The following RAP1A variants were observed in gnomAD, a reference collection of about 807,000 sequenced individuals.
RAP1A encodes RAP1A, member of RAS oncogene family, also known as ras-related protein Rap-1A.
A neutral mutation model predicts 26.4 loss-of-function variants in RAP1A; 6 were observed. That is an observed-to-expected ratio of 0.23 (90% CI 0.12 to 0.45). The LOEUF is 0.45. Ranked by LOEUF, RAP1A falls within the 20% of genes least tolerant of loss-of-function variation. The pLI is 0.99. For missense variants in RAP1A, 121 were observed against 217.2 expected (o/e 0.56, Z 2.78); for synonymous variants, 73 against 79.4 (o/e 0.92, Z 0.43).
chr1:111,586,185 A>G (rs778911366), intron 1 of RAP1A, among the ~76,000 whole-genome samples: 2 of 152,192 alleles, frequency 1.3e-5, no homozygotes, highest in Admixed American at 6.5e-5. Flanking sequence ...CAAATACGGG[A>G]ATCATAGTGT....
At chr1:111,548,986 T>G (rs554006978) in intron 1 of RAP1A, among the ~76,000 whole-genome samples, 82 of 152,358 alleles carry the variant, frequency 5.4e-4, no homozygotes, top group African/African-American at 1.9e-3. Flanking sequence ...TGCAAAAAAT[T>G]GAAATCCATG....
At chr1:111,634,115 A>G (rs2101108283) in intron 1 of RAP1A, among the ~76,000 whole-genome samples, 1 of 152,328 alleles carries the variant, frequency 6.6e-6, no homozygotes, top group Admixed American at 6.5e-5. Context: ...TGGTATACCA[A>G]AGATGGACAT....
At position 111,558,221 on chromosome 1, in the gene RAP1A, A is replaced by G. The variant is rs184417749; in HGVS notation, c.-28+15712A>G. Among the ~76,000 whole-genome samples the G allele has an allele frequency of 2.0e-3, 300 of 152,334 alleles. 2 individuals are homozygous for G. The highest frequency in any genetic ancestry group is 7.1e-3 in the African/African-American group (294 of 41,574). ...GAGACAGGGTCTTACTCCACTGCCC[A>G]GGCTGGAGTGCAGTGGCGCAATCTT... On this transcript the variant is annotated intron_variant, in intron 1 of 7. Coordinates refer to the RAP1A transcript ENST00000356415.
chr1:111,581,811 G>C (rs2101061115), intron 1 of RAP1A, among the ~76,000 whole-genome samples: 1 of 152,288 alleles, frequency 6.6e-6, no homozygotes, highest in Non-Finnish European at 1.5e-5. Flanking sequence ...TGGAAGATGG[G>C]AATAGAGAAA....
chr1:111,624,823 A>G (rs1659343512), intron 1 of RAP1A, among the ~76,000 whole-genome samples: 2 of 152,348 alleles, frequency 1.3e-5, no homozygotes, highest in South Asian at 4.1e-4. Context: ...TGGAAAATTA[A>G]ATGTTTTATG....
chr1:111,552,525 T>G (rs1657310618), intron 1 of RAP1A, among the ~76,000 whole-genome samples: 2 of 152,228 alleles, frequency 1.3e-5, no homozygotes, highest in Admixed American at 6.5e-5. Flanking sequence ...AGTACCTTAC[T>G]CTACCATCTT....
At chr1:111,642,552 A>G (rs1484682427) in intron 1 of RAP1A, among the ~76,000 whole-genome samples, 1 of 148,930 alleles carries the variant, frequency 6.7e-6, no homozygotes, top group Non-Finnish European at 1.5e-5. Flanking sequence ...CAGTGGCACT[A>G]TCTTAGCTCA....
At chr1:111,641,267 A>T (rs1462250633) in intron 1 of RAP1A, among the ~76,000 whole-genome samples, 2 of 152,202 alleles carry the variant, frequency 1.3e-5, no homozygotes, top group East Asian at 3.8e-4. Flanking sequence ...TTCTTCAGAG[A>T]TAAGTTTTGT....
intron 1 of RAP1A, among the ~76,000 whole-genome samples, chr1:111,574,970 T>A (rs749775787): frequency 2.8e-4 from 42 of 152,242 alleles, no homozygotes; most frequent in Non-Finnish European, 5.3e-4. Flanking sequence ...CAAACATATA[T>A]GTTTTATGAG....
At chr1:111,693,627 G>A (rs1043672956) in intron 2 of RAP1A, among the ~76,000 whole-genome samples, 9 of 152,158 alleles carry the variant, frequency 5.9e-5, no homozygotes, top group Admixed American at 2.0e-4. Context: ...GGATTGTTTT[G>A]CATTTTTGCA....
chr1:111,680,415 A>G (rs913188991), intron 1 of RAP1A, among the ~76,000 whole-genome samples: 1 of 152,128 alleles, frequency 6.6e-6, no homozygotes, highest in African/African-American at 2.4e-5. Flanking sequence ...CTTTAGCTAG[A>G]CACAGAGCTC....
At chr1:111,572,606 G>A (rs1344597420) in intron 1 of RAP1A, among the ~76,000 whole-genome samples, 2 of 152,182 alleles carry the variant, frequency 1.3e-5, no homozygotes, top group Non-Finnish European at 1.5e-5. Flanking sequence ...CTCTGATTCC[G>A]AAGTTAGACC....
At position 111,713,175 on chromosome 1, in the gene RAP1A, A is replaced by G. The variant is rs1347570344; in HGVS notation, c.*774A>G. 1 of 152,572 alleles carries G rather than the reference A, an allele frequency of 6.6e-6. No individual in the cohort carries two copies. The highest frequency in any genetic ancestry group is 6.5e-5 in the Admixed American group (1 of 15,278). 9.5% of individuals were successfully genotyped at this position (152,572 alleles called of 1,614,324 possible). ...AAAGCGTTTATTTTATAATGACCACATTGTTTTAAATGCGACAGTAGCTCC... is the reference window on the plus strand; with the variant it reads ...AAAGCGTTTATTTTATAATGACCACGTTGTTTTAAATGCGACAGTAGCTCC... On this transcript the variant is annotated 3_prime_UTR_variant, in exon 8 of 8. Coordinates refer to ENST00000369709, the MANE Select transcript of RAP1A (RefSeq NM_002884.4).
At chr1:111,705,482 TA>T (rs547658211) in intron 6 of RAP1A, among the ~76,000 whole-genome samples, 3 of 151,636 alleles carry the variant, frequency 2.0e-5, no homozygotes, top group South Asian at 2.1e-4. Flanking sequence ...ACCTGGCAGG[TA>T]AAAAAAAATT....
upstream of RAP1A, among the ~76,000 whole-genome samples, chr1:111,617,949 A>T (rs1439910351): frequency 6.6e-6 from 1 of 151,894 alleles, no homozygotes; most frequent in Non-Finnish European, 1.5e-5. Context: ...AGGCTGAGAC[A>T]GGAGAATCGC....
At chr1:111,550,072 GA>G (rs1263881396) in intron 1 of RAP1A, among the ~76,000 whole-genome samples, 1 of 152,152 alleles carries the variant, frequency 6.6e-6, no homozygotes, top group Non-Finnish European at 1.5e-5. Flanking sequence ...TGTGTTTTTA[GA>G]AATTTGTCCA....
chr1:111,600,607 T>C (rs548288558), intron 1 of RAP1A, among the ~76,000 whole-genome samples: 27 of 152,196 alleles, frequency 1.8e-4, no homozygotes, highest in Non-Finnish European at 3.7e-4. Context: ...TTGAAATTCC[T>C]TGTTAGGACA....
In RAP1A at chr1:111,582,999, G is replaced by C. The variant is rs148085708; in HGVS notation, c.-28+40490G>C. ...ATGAAGGGTGCATGGAGGTCTAGAG[G>C]CCAATTCACTTTCATGGAAAGTATA... On this transcript the variant is annotated intron_variant, in intron 1 of 7. Coordinates refer to the RAP1A transcript ENST00000356415. 7.2e-4 allele frequency among the ~76,000 whole-genome samples: 109 copies of C among 152,248 alleles called. No individual in the cohort carries two copies. The East Asian group carries it at 0.021, about 29-fold the overall frequency.
chr1:111,643,656 G>T (rs1382437889), intron 1 of RAP1A, among the ~76,000 whole-genome samples: 1 of 152,172 alleles, frequency 6.6e-6, no homozygotes, highest in Admixed American at 6.5e-5. Context: ...TAAATGCCTT[G>T]TGGATGTACA....
Sources: allele counts gnomAD v4.1 joint callset (sites outside exome capture counted in the v4.1 genomes callset), GRCh38; gene constraint gnomAD v4.1.1; transcripts MANE v1.5; gene names NCBI Gene and HGNC (gene_info 2026-07-23, HGNC 2026-07-21).